Variants in CNKSR2 observed in about 807,000 individuals in gnomAD.
The protein encoded by CNKSR2 is CNK homolog protein 2.
In CNKSR2, 14 loss-of-function variants were observed where a neutral mutation model predicts 84.4. The ratio of observed to expected loss-of-function variants is 0.17; its 90% CI spans 0.11 to 0.26. CNKSR2 has a LOEUF of 0.26. Among genes scored for constraint, CNKSR2 ranks in the 10% least tolerant of loss-of-function variants. The probability of loss-of-function intolerance (pLI) is 1.00; values close to 1 mark genes in which losing one functional copy is unlikely to be tolerated. For synonymous variants in CNKSR2, 275 were observed against 277.9 expected (o/e 0.99, Z 0.10); for missense variants, 485 against 771.2 (o/e 0.63, Z 4.40).
intron 20 of CNKSR2, among the ~76,000 whole-genome samples, chrX:21,640,856 C>T (rs942104103): frequency 8.9e-6 from 1 of 112,433 alleles, no homozygotes; most frequent in African/African-American, 3.2e-5. Context: ...ACATCCATCT[C>T]TTCCAGTTTC....
At chrX:21,444,154 C>A (rs967825236) in intron 4 of CNKSR2, among the ~76,000 whole-genome samples, 1 of 111,097 alleles carries the variant, frequency 9.0e-6, no homozygotes, top group Non-Finnish European at 1.9e-5. Context: ...GTTTTAACTG[C>A]TTAGAGCACA....
chrX:21,395,258 G>T (rs1233825858), intron 1 of CNKSR2, among the ~76,000 whole-genome samples: 1 of 111,201 alleles, frequency 9.0e-6, no homozygotes, highest in Non-Finnish European at 1.9e-5. Context: ...TTCATTTTGA[G>T]GAATTTTAAA....
chrX:21,410,963 CAG>C (rs1262683286), intron 1 of CNKSR2, among the ~76,000 whole-genome samples: 1 of 110,285 alleles, frequency 9.1e-6, no homozygotes, highest in Non-Finnish European at 1.9e-5. Context: ...GGAAGGATCA[CAG>C]GGGATATATT....
At chrX:21,575,838 C>A (rs2092315970) in intron 13 of CNKSR2, among the ~76,000 whole-genome samples, 1 of 112,288 alleles carries the variant, frequency 8.9e-6, no homozygotes, top group Admixed American at 9.4e-5. Flanking sequence ...AAAAGTCATG[C>A]TTCTCTTCCT....
At chrX:21,497,381 T>C (rs1259680349) in intron 6 of CNKSR2, among the ~76,000 whole-genome samples, 2 of 112,051 alleles carry the variant, frequency 1.8e-5, no homozygotes, top group African/African-American at 6.5e-5. Flanking sequence ...TTCCATTGTA[T>C]AATATATCAA....
chrX:21,595,393 C>T lies in CNKSR2; in HGVS notation c.1974C>T (p.Asn658=). The part of the protein sequence containing the change: ...YFAAEHLDDM[N]RWLNRINMLT... ...CTGCTGAACATCTTGATGATATGAACAGGTAAAGTATTTCAGAGTATGTAG... is the reference window on the plus strand; with the variant it reads ...CTGCTGAACATCTTGATGATATGAATAGGTAAAGTATTTCAGAGTATGTAG... Residue 658 remains asparagine (N), a splice_region_variant and synonymous_variant, in exon 17 of 22, where the codon AAC becomes AAT. Coordinates refer to ENST00000379510, the MANE Select transcript of CNKSR2 (RefSeq NM_014927.5). The T allele has an allele frequency of 2.6e-6, 3 of 1,138,867 alleles. No individual in the cohort carries two copies. Among genetic ancestry groups the T allele is most frequent in the Non-Finnish European group, 3.6e-6 (3 of 833,164 alleles). 93.9% of individuals were successfully genotyped at this position (1,138,867 alleles called of 1,213,427 possible).
intron 4 of CNKSR2, among the ~76,000 whole-genome samples, chrX:21,466,428 C>A (rs1235383364): frequency 9.0e-6 from 1 of 111,015 alleles, no homozygotes; most frequent in Non-Finnish European, 1.9e-5. Context: ...AATAAATAAA[C>A]CCCCCCAAAG....
intron 8 of CNKSR2, among the ~76,000 whole-genome samples, chrX:21,513,237 G>A (rs1158228319): frequency 9.0e-6 from 1 of 111,679 alleles, no homozygotes; most frequent in African/African-American, 3.2e-5. Context: ...TAAGAAGACA[G>A]CATGAAATAT....
rs1036879300 is a variant in CNKSR2, at chrX:21,606,676, C to A, written c.2045-103C>A. On this transcript the variant is annotated intron_variant, in intron 18 of 21. Coordinates refer to ENST00000379510, the MANE Select transcript of CNKSR2 (RefSeq NM_014927.5). ...AGTGCTGGGGAACATGATGTTGGAA[C>A]AGAATTTAAATTTCCTTTTTTTAAA... is the stretch of plus-strand genomic sequence containing the variant. 115 of 493,312 alleles carry A rather than the reference C, an allele frequency of 2.3e-4. 1 individual carries two copies. The Admixed American group carries it at 2.4e-3, about 10-fold the overall frequency. The allele number at this position is 493,312 out of a possible 1,213,427, so 40.7% of individuals were successfully genotyped here. A position where few individuals can be genotyped will look rare whatever the true frequency, so the allele number is the denominator to read the frequency against.
chrX:21,618,216 A>G (rs1602040744), intron 20 of CNKSR2, among the ~76,000 whole-genome samples: 1 of 111,156 alleles, frequency 9.0e-6, no homozygotes, highest in East Asian at 2.9e-4. Flanking sequence ...CTACTAAACA[A>G]TCTCTCCTAT....
intron 2 of CNKSR2, chrX:21,429,014 TTAAG>T (rs770214075): frequency 8.9e-6 from 1 of 112,412 alleles, no homozygotes; most frequent in Non-Finnish European, 1.9e-5. Context: ...GTTGCCAATA[TTAAG>T]TATTTCTAGT....
chrX:21,472,989 T>G (rs143874729), intron 5 of CNKSR2, among the ~76,000 whole-genome samples: 244 of 111,688 alleles, frequency 2.2e-3, no homozygotes, highest in African/African-American at 7.1e-3. Flanking sequence ...TTAAATAATT[T>G]TAAAATAATA....
chrX:21,490,612 C>A (rs761380525), intron 6 of CNKSR2, 34 bp downstream of exon 6: 1 of 1,189,131 alleles, frequency 8.4e-7, no homozygotes, highest in African/African-American at 1.7e-5. Flanking sequence ...AACCACCATC[C>A]ATCAGTAGAG....
At chrX:21,637,982 A>G (rs2092679438) in intron 20 of CNKSR2, among the ~76,000 whole-genome samples, 1 of 111,161 alleles carries the variant, frequency 9.0e-6, no homozygotes, top group Non-Finnish European at 1.9e-5. Context: ...TTGCCCTTAA[A>G]TTTGCCCTCA....
chrX:21,587,870 G>T (rs2092398236), intron 13 of CNKSR2, among the ~76,000 whole-genome samples: 1 of 111,639 alleles, frequency 9.0e-6, no homozygotes, highest in Admixed American at 9.5e-5. Flanking sequence ...AGAACTCATA[G>T]GACTCAACAT....
chrX:21,412,350 A>G (rs556173302), intron 1 of CNKSR2, among the ~76,000 whole-genome samples: 2 of 112,446 alleles, frequency 1.8e-5, no homozygotes, highest in African/African-American at 6.5e-5. Flanking sequence ...TGACTGACTA[A>G]TTCTTCATGA....
intron 1 of CNKSR2, among the ~76,000 whole-genome samples, chrX:21,410,152 C>CTAGA (rs942666682): frequency 3.7e-5 from 4 of 109,372 alleles, no homozygotes; most frequent in African/African-American, 1.3e-4. Context: ...ACAAGTGTTG[C>CTAGA]TCTAGTAATG....
intron 8 of CNKSR2, chrX:21,504,087 C>A (rs1224951226): frequency 4.5e-5 from 5 of 110,821 alleles, no homozygotes. Context: ...CATATTTGGG[C>A]AAAACCAATG....
chrX:21,577,524 T>TCAGAGAG (rs2147222244), intron 13 of CNKSR2, among the ~76,000 whole-genome samples: 1 of 111,377 alleles, frequency 9.0e-6, no homozygotes, highest in African/African-American at 3.3e-5. Flanking sequence ...GTTGCTTTGA[T>TCAGAGAG]CAGAGAGCGT....
Sources: gnomAD v4.1 joint callset for allele counts (sites outside exome capture counted in the v4.1 genomes callset) on GRCh38, gnomAD v4.1.1 for gene constraint, MANE v1.5 for transcripts, NCBI Gene and HGNC (gene_info 2026-07-23, HGNC 2026-07-21) for gene names.